TTBK2: variants seen among roughly 807,000 people sequenced by gnomAD.
The protein encoded by TTBK2 is tau tubulin kinase 2, also known as tau-tubulin kinase 2.
TTBK2 carries 28 observed loss-of-function variants against 110.8 expected under a neutral mutation model. That is an observed-to-expected ratio of 0.25 (90% CI 0.19 to 0.35). TTBK2 has a LOEUF of 0.35. Among genes scored for constraint, TTBK2 ranks in the 10% least tolerant of loss-of-function variants. TTBK2 has a pLI of 1.00. For synonymous variants in TTBK2, 532 were observed against 527.3 expected (o/e 1.01, Z -0.12); for missense variants, 1,369 against 1,500.3 (o/e 0.91, Z 1.45).
Position 42,832,881 on chromosome 15 carries a change from A to G in TTBK2, c.292-2803T>C, listed in dbSNP as rs557781919. 3.6e-4 allele frequency among the ~76,000 whole-genome samples: 54 copies of G among 152,044 alleles called. 1 individual carries two copies. Among genetic ancestry groups the G allele is most frequent in the Non-Finnish European group, 6.8e-4 (46 of 67,994 alleles). On this transcript the variant is annotated intron_variant, in intron 4 of 14. Coordinates refer to ENST00000267890, the MANE Select transcript of TTBK2 (RefSeq NM_173500.4). ...TAGGCATCCACTTGGGGCCTTAGAA[A>G]GTATCTCCTCAGATAAGGGGGTACT...
intron 4 of TTBK2, among the ~76,000 whole-genome samples, chr15:42,832,734 C>T (rs1167871774): frequency 6.6e-6 from 1 of 152,144 alleles, no homozygotes; most frequent in African/African-American, 2.4e-5. Context: ...CCTGCTCCGT[C>T]AGGCCCAGGA....
intron 3 of TTBK2, among the ~76,000 whole-genome samples, chr15:42,860,833 G>A (rs1030055018): frequency 6.6e-6 from 1 of 151,734 alleles, no homozygotes; most frequent in African/African-American, 2.4e-5. Context: ...ATTTCTAGTA[G>A]AGATGGGGTT....
chr15:42,804,679 A>C (rs964405882), intron 9 of TTBK2, among the ~76,000 whole-genome samples: 1 of 152,246 alleles, frequency 6.6e-6, no homozygotes, highest in African/African-American at 2.4e-5. Flanking sequence ...AAATGTCCAT[A>C]AAGTACAGAA....
intron 6 of TTBK2, among the ~76,000 whole-genome samples, chr15:42,824,892 A>T (rs1308713438): frequency 1.3e-5 from 2 of 152,122 alleles, no homozygotes; most frequent in African/African-American, 2.4e-5. Flanking sequence ...ATAATAAAAA[A>T]TGACAACAAT....
intron 9 of TTBK2, among the ~76,000 whole-genome samples, chr15:42,805,986 A>G (rs1891451096): frequency 6.6e-6 from 1 of 152,214 alleles, no homozygotes; most frequent in Non-Finnish European, 1.5e-5. Flanking sequence ...TTTTTAGGCC[A>G]GGCATGGTGG....
chr15:42,780,047 G>A (rs1418275895), intron 11 of TTBK2, among the ~76,000 whole-genome samples: 1 of 151,366 alleles, frequency 6.6e-6, no homozygotes, highest in African/African-American at 2.4e-5. Context: ...GTTTGAGACA[G>A]AGTCTCACTC....
intron 6 of TTBK2, among the ~76,000 whole-genome samples, chr15:42,823,210 C>G (rs914913479): frequency 6.6e-6 from 1 of 152,170 alleles, no homozygotes; most frequent in Non-Finnish European, 1.5e-5. Context: ...AGCTTAGACA[C>G]AAAGGGCCAG....
intron 4 of TTBK2, 86 bp downstream of exon 4, chr15:42,840,274 G>T: frequency 1.7e-6 from 2 of 1,145,192 alleles, no homozygotes; most frequent in Non-Finnish European, 2.7e-6. Context: ...TACTAAGATT[G>T]TTGTTACTTT....
intron 10 of TTBK2, among the ~76,000 whole-genome samples, chr15:42,792,088 G>C (rs1473447840): frequency 6.6e-6 from 1 of 152,192 alleles, no homozygotes; most frequent in Non-Finnish European, 1.5e-5. Context: ...AGTGAGCCGA[G>C]ATCACGCCAC....
chr15:42,881,184 G>A (rs1314903258), intron 1 of TTBK2, among the ~76,000 whole-genome samples: 2 of 150,422 alleles, frequency 1.3e-5, no homozygotes, highest in African/African-American at 4.9e-5. Flanking sequence ...TCAGGAGGCT[G>A]AGGCAGGAGA....
intron 10 of TTBK2, among the ~76,000 whole-genome samples, chr15:42,784,434 C>T (rs1890319680): frequency 6.6e-6 from 1 of 152,054 alleles, no homozygotes; most frequent in South Asian, 2.1e-4. Context: ...CCCACCACCA[C>T]ACTGGGCTAT....
At chr15:42,866,630 C>G (rs540462907) in intron 3 of TTBK2, among the ~76,000 whole-genome samples, 39 of 152,252 alleles carry the variant, frequency 2.6e-4, no homozygotes, top group African/African-American at 9.1e-4. Flanking sequence ...CATGCTCACA[C>G]AGAATATTCA....
intron 9 of TTBK2, among the ~76,000 whole-genome samples, chr15:42,803,243 G>GT (rs749931924): frequency 5.3e-5 from 8 of 152,142 alleles, no homozygotes; most frequent in Non-Finnish European, 1.2e-4. Flanking sequence ...CTACCTATCT[G>GT]TGTAGCGTGT....
At chr15:42,906,228 T>C (rs1190995904) in intron 1 of TTBK2, among the ~76,000 whole-genome samples, 1 of 151,812 alleles carries the variant, frequency 6.6e-6, no homozygotes, top group Non-Finnish European at 1.5e-5. Flanking sequence ...ATTCTGCATG[T>C]TTCCTAAACA....
intron 9 of TTBK2, 95 bp from the exon 10 acceptor site, chr15:42,794,896 G>T: frequency 6.5e-7 from 1 of 1,528,214 alleles, no homozygotes; most frequent in Non-Finnish European, 9.0e-7. Flanking sequence ...AAATGATTTT[G>T]TAATGTGATT....
chr15:42,833,816 T>C (rs572711290), intron 4 of TTBK2, among the ~76,000 whole-genome samples: 32 of 152,246 alleles, frequency 2.1e-4, no homozygotes, highest in Middle Eastern at 3.4e-3. Flanking sequence ...GAGACCATCC[T>C]GGCCAACATG....
At position 42,811,917 on chromosome 15, in the gene TTBK2, C is replaced by CAT. The variant is rs143101383; in HGVS notation, c.604-139_604-138dup. 4,453 of 529,774 alleles carry CAT rather than the reference C, an allele frequency of 8.4e-3. 22 individuals carry two copies. Among genetic ancestry groups the CAT allele is most frequent in the Middle Eastern group, 0.019 (43 of 2,278 alleles). The allele number at this position is 529,774 out of a possible 1,614,324, so 32.8% of individuals were successfully genotyped here. On this transcript the variant is annotated intron_variant, in intron 7 of 14. Transcript: ENST00000267890. Reference sequence around the variant, plus strand: ...ATTTCCCAAAAAATTATATGATAAACATATATATATATATAAATTTACATA... The same window carrying CAT: ...ATTTCCCAAAAAATTATATGATAAACATATATATATATATATAAATTTACATA...
At chr15:42,803,606 T>C (rs550977021) in intron 9 of TTBK2, among the ~76,000 whole-genome samples, 18 of 152,304 alleles carry the variant, frequency 1.2e-4, no homozygotes, top group African/African-American at 4.3e-4. Flanking sequence ...ACTAAGGCTT[T>C]TCAGTGCCTC....
In TTBK2 at chr15:42,815,935, T is replaced by A. The variant is rs1462085301; in HGVS notation, c.603+1097A>T. 9.1e-3 allele frequency among the ~76,000 whole-genome samples: 302 copies of A among 33,156 alleles called. 2 individuals are homozygous for A. Among genetic ancestry groups the A allele is most frequent in the African/African-American group, 0.045 (274 of 6,066 alleles). 21.8% of individuals were successfully genotyped at this position (33,156 alleles called of 152,430 possible). A position where few individuals can be genotyped will look rare whatever the true frequency, so the allele number is the denominator to read the frequency against. The stretch of plus-strand genomic sequence containing the variant: ...AAAAATATATATATATTTAAAAATA[T>A]ATATATATATATTTAAAAAAAAAAT... On this transcript the variant is annotated intron_variant, in intron 7 of 14. Coordinates refer to ENST00000267890, the MANE Select transcript of TTBK2 (RefSeq NM_173500.4).
Sources: allele counts gnomAD v4.1 joint callset (sites outside exome capture counted in the v4.1 genomes callset), GRCh38; gene constraint gnomAD v4.1.1; transcripts MANE v1.5; gene names NCBI Gene and HGNC (gene_info 2026-07-23, HGNC 2026-07-21).